The following PDS5A variants were observed in gnomAD, a reference collection of about 807,000 sequenced individuals.
The protein encoded by PDS5A is PDS5 cohesin associated factor A.
PDS5A carries 42 observed loss-of-function variants against 167.1 expected under a neutral mutation model. The ratio of observed to expected loss-of-function variants is 0.25; its 90% CI spans 0.20 to 0.33. The LOEUF is 0.33. Ranked by LOEUF, PDS5A falls within the 10% of genes least tolerant of loss-of-function variation. The pLI is 1.00. For missense variants in PDS5A, 1,033 were observed against 1,605.9 expected (o/e 0.64, Z 6.10); for synonymous variants, 553 against 554.6 (o/e 1.00, Z 0.04).
At chr4:39,903,493 C>T (rs548395646) in intron 12 of PDS5A, among the ~76,000 whole-genome samples, 2 of 152,116 alleles carry the variant, frequency 1.3e-5, no homozygotes, top group Admixed American at 6.6e-5. Context: ...ATCATTTGTA[C>T]GATCCAATAT....
intron 5 of PDS5A, among the ~76,000 whole-genome samples, chr4:39,925,585 C>T (rs1007459615): frequency 3.9e-5 from 6 of 152,186 alleles, no homozygotes; most frequent in African/African-American, 1.4e-4. Context: ...TCTACTGGTC[C>T]ATGGCCTCCA....
rs1322510770 is a variant in PDS5A at position 39,920,607 on chromosome 4, GAACT to G, written c.655-212_655-209del. On this transcript the variant is annotated intron_variant, in intron 6 of 32. Coordinates refer to ENST00000303538, the MANE Select transcript of PDS5A (RefSeq NM_001100399.2). The stretch of plus-strand genomic sequence containing the variant: ...ATCTTAAATGCAGACGTTGCAAATC[GAACT>G]AATTTATTAATCAAAAACTAAAATG... Among the ~76,000 whole-genome samples, 3 of 152,236 alleles carry G rather than the reference GAACT, an allele frequency of 2.0e-5. No individual in the cohort carries two copies. The East Asian group carries it at 5.8e-4, about 29-fold the overall frequency.
At chr4:39,948,210 C>CAA (rs35177594) in intron 2 of PDS5A, among the ~76,000 whole-genome samples, 28 of 96,444 alleles carry the variant, frequency 2.9e-4, no homozygotes, top group African/African-American at 7.0e-4. Flanking sequence ...TATCCCGTCT[C>CAA]AAAAAAAAAA....
At chr4:39,976,655 C>T in intron 1 of PDS5A, 38 bp from the exon 2 acceptor site, 2 of 1,093,500 alleles carry the variant, frequency 1.8e-6, no homozygotes, top group East Asian at 4.9e-5. Context: ...GGGAAAGGGG[C>T]GACTTTGTAA....
intron 2 of PDS5A, among the ~76,000 whole-genome samples, chr4:39,950,048 G>A (rs997902584): frequency 6.6e-6 from 1 of 151,916 alleles, no homozygotes; most frequent in Non-Finnish European, 1.5e-5. Flanking sequence ...TGGGATTACA[G>A]GCATGCGCCA....
chr4:39,928,240 A>C lies in PDS5A; in HGVS notation c.139-76T>G. On this transcript the variant is annotated intron_variant, in intron 2 of 32. Transcript: ENST00000303538. ...TCAGTGGAGGATGTGATTTAAAAAA[A>C]AAAAAGTCATCTCCATTAGCAATCG... 3 of 963,580 alleles carry C rather than the reference A, an allele frequency of 3.1e-6. No individual in the cohort carries two copies. In the South Asian group the frequency reaches 4.8e-5, roughly 15 times the overall value. The allele number at this position is 963,580 out of a possible 1,614,324, so 59.7% of individuals were successfully genotyped here.
chr4:39,957,801 A>G (rs1327515937), intron 2 of PDS5A, among the ~76,000 whole-genome samples: 17 of 151,864 alleles, frequency 1.1e-4, no homozygotes, highest in Non-Finnish European at 2.5e-4. Flanking sequence ...AAAAAAAAAA[A>G]AAAAAGAAAT....
intron 2 of PDS5A, among the ~76,000 whole-genome samples, chr4:39,968,964 G>C (rs1482183415): frequency 1.3e-5 from 2 of 149,076 alleles, no homozygotes; most frequent in Non-Finnish European, 3.0e-5. Flanking sequence ...TAGTAGAAAC[G>C]GGGTTTCTCC....
In PDS5A at chr4:39,849,571, G is replaced by A; in HGVS notation, c.3168C>T (p.Asn1056=). The part of the protein sequence containing the change: ...SHAFMKKMAE[N]IKLTRDAQSP... ...ACTGGGCATCTCTGGTTAACTTGAT[G>A]TTCTCTGCCATCTTCTTCATAAAGG... The change falls in exon 27 of 33, where the codon AAC becomes AAT. Residue 1056 remains asparagine, a synonymous_variant. Transcript: ENST00000303538. 6.2e-7 allele frequency: 1 copy of A among 1,610,526 alleles called. No individual in the cohort carries two copies. The highest frequency in any genetic ancestry group is 8.5e-7 in the Non-Finnish European group (1 of 1,177,152).
intron 2 of PDS5A, among the ~76,000 whole-genome samples, chr4:39,975,492 C>CAATTCTGATT (rs1401419046): frequency 4.6e-5 from 7 of 152,184 alleles, no homozygotes; most frequent in Admixed American, 3.9e-4. Flanking sequence ...CACCTCCCAC[C>CAATTCTGATT]AATTCTGATT....
At chr4:39,851,358 G>A (rs554431158) in intron 26 of PDS5A, among the ~76,000 whole-genome samples, 1 of 150,940 alleles carries the variant, frequency 6.6e-6, no homozygotes, top group East Asian at 2.0e-4. Context: ...GGAGTGCAGT[G>A]GCGTGATCAC....
Position 39,907,691 on chromosome 4 carries a change from A to G in PDS5A, c.1233+704T>C, listed in dbSNP as rs377485213. Among the ~76,000 whole-genome samples, 672 of 150,622 alleles carry G rather than the reference A, an allele frequency of 4.5e-3. 6 individuals are homozygous for G. Among genetic ancestry groups the G allele is most frequent in the African/African-American group, 0.016 (650 of 40,944 alleles). On this transcript the variant is annotated intron_variant, in intron 11 of 32. Coordinates refer to ENST00000303538, the MANE Select transcript of PDS5A (RefSeq NM_001100399.2). Reference sequence around the variant, plus strand: ...AAGCTCCGCCTCCCGGGTTCACGCCATTCTCCTGCCTCAGCCTCCCGAGTA... The same window carrying G: ...AAGCTCCGCCTCCCGGGTTCACGCCGTTCTCCTGCCTCAGCCTCCCGAGTA...
intron 2 of PDS5A, among the ~76,000 whole-genome samples, chr4:39,956,665 C>T (rs1050308367): frequency 1.3e-5 from 2 of 151,326 alleles, no homozygotes; most frequent in African/African-American, 4.9e-5. Context: ...AGAAGAAAGA[C>T]AGATTTTCTT....
Position 39,866,988 on chromosome 4 carries a change from T to C in PDS5A, c.2515A>G (p.Ile839Val), listed in dbSNP as rs549448872. ...AACAGCCACCTTACCAGAAGTTTAA[T>C]TGCCTGTACCTATAAAATATTAACA... ...SPEVLAKVQA[I>V]KLLVRWLLGM... is the part of the protein sequence containing the mutation. Residue 839 changes from isoleucine to valine, a missense_variant, in exon 23 of 33, where the codon ATT (isoleucine) becomes GTT (valine). Around this residue, in one of 4 missense-constraint regions of PDS5A, gnomAD observed 367 missense variants for 686.7 expected, o/e 0.53. Transcript: ENST00000303538. 9.3e-6 allele frequency: 15 copies of C among 1,609,420 alleles called. No homozygotes were observed. The highest frequency in any genetic ancestry group is 8.0e-5 in the African/African-American group (6 of 74,888).
intron 23 of PDS5A, 75 bp from the exon 24 acceptor site, chr4:39,863,534 G>A (rs999446920): frequency 4.9e-6 from 5 of 1,029,230 alleles, no homozygotes; most frequent in Non-Finnish European, 1.4e-6. Flanking sequence ...GTCCCTTTTT[G>A]AATGTAAGGT....
At chr4:39,881,013 CTT>C (rs879736708) in intron 17 of PDS5A, among the ~76,000 whole-genome samples, 1 of 146,694 alleles carries the variant, frequency 6.8e-6, no homozygotes, top group Non-Finnish European at 1.5e-5. Context: ...GAGAGATCTA[CTT>C]TTTTTTTTTA....
At chr4:39,943,493 A>C (rs189525956) in intron 2 of PDS5A, among the ~76,000 whole-genome samples, 1 of 151,826 alleles carries the variant, frequency 6.6e-6, no homozygotes, top group Non-Finnish European at 1.5e-5. Flanking sequence ...TATTTTAAAG[A>C]TCCATTCTGG....
intron 16 of PDS5A, among the ~76,000 whole-genome samples, chr4:39,897,557 C>T (rs192054647): frequency 3.8e-4 from 58 of 152,164 alleles, no homozygotes; most frequent in African/African-American, 1.2e-3. Context: ...TACCACCACA[C>T]CTGGCAAATT....
chr4:39,911,620 C>T (rs1378869527), intron 9 of PDS5A, among the ~76,000 whole-genome samples: 2 of 151,978 alleles, frequency 1.3e-5, no homozygotes, highest in Non-Finnish European at 2.9e-5. Flanking sequence ...ATCACGAGGT[C>T]GGGAGATCAA....
Sources: gnomAD v4.1 joint callset for allele counts (sites outside exome capture counted in the v4.1 genomes callset) on GRCh38, gnomAD v4.1.1 for gene constraint, gnomAD v4.1.1 regional missense constraint, MANE v1.5 for transcripts, NCBI Gene and HGNC (gene_info 2026-07-23, HGNC 2026-07-21) for gene names.